The following CSGALNACT1 variants were observed in gnomAD, a reference collection of about 807,000 sequenced individuals.
CSGALNACT1 encodes beta4GalNAcT-1.
A neutral mutation model predicts 51.0 loss-of-function variants in CSGALNACT1; 52 were observed. The ratio of observed to expected loss-of-function variants is 1.02; its 90% CI spans 0.82 to 1.29. The LOEUF (loss-of-function observed/expected upper bound fraction) is 1.29, where lower values mean the gene tolerates loss of function less well. CSGALNACT1 is among the 50% of genes most tolerant of loss of function. CSGALNACT1 has a pLI of 0.00. For synonymous variants in CSGALNACT1, 341 were observed against 254.4 expected (o/e 1.34, Z -3.24); for missense variants, 935 against 679.2 (o/e 1.38, Z -4.19).
intron 1 of CSGALNACT1, chr8:19,641,831 TAC>T (rs2056777744): frequency 6.6e-6 from 1 of 152,216 alleles, no homozygotes; most frequent in Non-Finnish European, 1.5e-5. Context: ...GGGGCTTTGC[TAC>T]ACAGTGTCCT....
At chr8:19,427,461 C>T (rs2058943256) in intron 6 of CSGALNACT1, among the ~76,000 whole-genome samples, 1 of 152,206 alleles carries the variant, frequency 6.6e-6, no homozygotes, top group African/African-American at 2.4e-5. Context: ...AAACATCTGG[C>T]ATGAGGCCTC....
chr8:19,668,459 A>T (rs752866780), intron 1 of CSGALNACT1, among the ~76,000 whole-genome samples: 6 of 152,234 alleles, frequency 3.9e-5, no homozygotes, highest in Non-Finnish European at 7.3e-5. Flanking sequence ...TCCTTAAGTA[A>T]CATAAGAAAA....
chr8:19,594,797 C>A (rs1191695767), intron 2 of CSGALNACT1, among the ~76,000 whole-genome samples: 1 of 152,014 alleles, frequency 6.6e-6, no homozygotes, highest in African/African-American at 2.4e-5. Context: ...GGTGATCCAC[C>A]CACCTTGGCC....
At chr8:19,469,042 G>T (rs4524812) in intron 4 of CSGALNACT1, among the ~76,000 whole-genome samples, 111,187 of 151,702 alleles carry the variant, frequency 0.73, 41,853 homozygotes, top group East Asian at 0.88. Context: ...GATAAGTGAG[G>T]GCCTGCTCAA....
chr8:19,508,598 C>A lies in CSGALNACT1; in HGVS notation c.-296-2468G>T, dbSNP rs140681867. On this transcript the variant is annotated intron_variant, in intron 3 of 9. Coordinates refer to ENST00000454498, the Ensembl canonical transcript of CSGALNACT1. The stretch of plus-strand genomic sequence containing the variant: ...AGTCTCTTAGATAAACTCATTATAT[C>A]CAAGAATTAAATTACCAGTGAAGAC... Among the ~76,000 whole-genome samples the A allele has an allele frequency of 3.3e-3, 507 of 152,094 alleles. 6 individuals carry two copies. The highest frequency in any genetic ancestry group is 0.012 in the African/African-American group (490 of 41,388).
At chr8:19,616,895 A>G (rs2053102335) in intron 1 of CSGALNACT1, among the ~76,000 whole-genome samples, 1 of 151,930 alleles carries the variant, frequency 6.6e-6, no homozygotes, top group African/African-American at 2.4e-5. Context: ...CACTTTTCCC[A>G]CGGGGGTGGG....
chr8:19,659,839 G>C (rs746883295), intron 1 of CSGALNACT1, among the ~76,000 whole-genome samples: 44 of 152,170 alleles, frequency 2.9e-4, no homozygotes, highest in Non-Finnish European at 6.0e-4. Flanking sequence ...ATCTCCCAGG[G>C]GAGATCGCTG....
chr8:19,630,546 G>C (rs2055109055), intron 1 of CSGALNACT1, among the ~76,000 whole-genome samples: 1 of 152,046 alleles, frequency 6.6e-6, no homozygotes, highest in Non-Finnish European at 1.5e-5. Flanking sequence ...TGTGGGTTCT[G>C]CCAAATGTAT....
chr8:19,577,875 C>A (rs2044635115), intron 3 of CSGALNACT1, among the ~76,000 whole-genome samples: 1 of 152,174 alleles, frequency 6.6e-6, no homozygotes, highest in Non-Finnish European at 1.5e-5. Flanking sequence ...CAGCCAATGG[C>A]TGAGCCAAAC....
chr8:19,647,666 A>G (rs545081675), intron 1 of CSGALNACT1, among the ~76,000 whole-genome samples: 133 of 152,344 alleles, frequency 8.7e-4, no homozygotes, highest in African/African-American at 3.2e-3. Context: ...TGCATAATTT[A>G]CAAAATGTAA....
chr8:19,452,596 ACTTTC>A (rs1485821143), intron 5 of CSGALNACT1, among the ~76,000 whole-genome samples: 1 of 152,116 alleles, frequency 6.6e-6, no homozygotes, highest in African/African-American at 2.4e-5. Flanking sequence ...CAGAGCCAAA[ACTTTC>A]CTTTTTCCTC....
intron 1 of CSGALNACT1, among the ~76,000 whole-genome samples, chr8:19,662,723 A>G (rs2058865796): frequency 1.3e-5 from 2 of 152,158 alleles, no homozygotes; most frequent in African/African-American, 4.8e-5. Context: ...TCCTGTTTCC[A>G]TCTTTGGGCA....
At chr8:19,679,469 A>G (rs983029241) in intron 1 of CSGALNACT1, among the ~76,000 whole-genome samples, 2 of 152,138 alleles carry the variant, frequency 1.3e-5, no homozygotes. Context: ...AAAATAAAAA[A>G]TAAAATAAAA....
intron 5 of CSGALNACT1, among the ~76,000 whole-genome samples, chr8:19,444,499 C>T (rs962578130): frequency 1.3e-5 from 2 of 152,142 alleles, no homozygotes; most frequent in Non-Finnish European, 2.9e-5. Context: ...AAAGGTTCTA[C>T]TGGTAGGATA....
Position 19,468,585 on chromosome 8 carries a change from G to A in CSGALNACT1, c.635-9943C>T, listed in dbSNP as rs1295674261. Among the ~76,000 whole-genome samples the A allele has an allele frequency of 3.3e-5, 5 of 152,090 alleles. No individual in the cohort carries two copies. In the East Asian group the frequency reaches 7.7e-4, roughly 23 times the overall value. ...AGAGCAACAAGGAAAGAACCACGATGGTTTAGCAGGAAATGACAAGAGCCT... is the reference window on the plus strand; with the variant it reads ...AGAGCAACAAGGAAAGAACCACGATAGTTTAGCAGGAAATGACAAGAGCCT... On this transcript the variant is annotated intron_variant, in intron 4 of 9. Coordinates refer to ENST00000454498, the Ensembl canonical transcript of CSGALNACT1.
chr8:19,659,842 G>C (rs1417052770), intron 1 of CSGALNACT1, among the ~76,000 whole-genome samples: 2 of 152,190 alleles, frequency 1.3e-5, no homozygotes, highest in Non-Finnish European at 2.9e-5. Context: ...TCCCAGGGGA[G>C]ATCGCTGCTT....
intron 6 of CSGALNACT1, among the ~76,000 whole-genome samples, chr8:19,424,378 C>A (rs532963925): frequency 1.3e-5 from 2 of 152,236 alleles, no homozygotes; most frequent in African/African-American, 4.8e-5. Context: ...CAACCCAAGG[C>A]TTTTTTCCAA....
At chr8:19,407,527 A>G (rs554625867) in intron 9 of CSGALNACT1, among the ~76,000 whole-genome samples, 119 of 152,276 alleles carry the variant, frequency 7.8e-4, no homozygotes, top group African/African-American at 2.8e-3. Flanking sequence ...TCGAGATCCA[A>G]GAGTCAGTAT....
chr8:19,580,188 A>T (rs190167931), intron 3 of CSGALNACT1, among the ~76,000 whole-genome samples: 1 of 152,234 alleles, frequency 6.6e-6, no homozygotes, highest in African/African-American at 2.4e-5. Context: ...AGGACTTCCA[A>T]TGCAGCCAGA....
Sources: gnomAD v4.1 joint callset for allele counts (sites outside exome capture counted in the v4.1 genomes callset) on GRCh38, gnomAD v4.1.1 for gene constraint, MANE v1.5 for transcripts, NCBI Gene and HGNC (gene_info 2026-07-23, HGNC 2026-07-21) for gene names.